The following ZNF701 variants were observed in gnomAD, a reference collection of about 807,000 sequenced individuals.
ZNF701 encodes zinc finger protein 701.
ZNF701 carries 6 observed loss-of-function variants against 7.1 expected under a neutral mutation model. That is an observed-to-expected ratio of 0.84 (90% CI 0.46 to 1.66). The LOEUF (loss-of-function observed/expected upper bound fraction) is 1.66. Ranked by LOEUF, ZNF701 falls within the 40% of genes most tolerant of loss-of-function variation. The pLI is 0.01. For synonymous variants in ZNF701, 166 were observed against 188.2 expected, an observed-to-expected ratio of 0.88 and a Z score of 0.97; for missense variants, 541 against 559.2, an observed-to-expected ratio of 0.97 and a Z score of 0.33.
chr19:52,598,863 T>C, the ZNF701 span: 7 of 152,138 alleles, frequency 4.6e-5, no homozygotes, highest in African/African-American at 1.7e-4. Flanking sequence ...TGAGCTCTGA[T>C]CTTGCCACCA....
At chr19:52,596,210 G>A in the ZNF701 span, 5 of 573,496 alleles carry the variant, frequency 8.7e-6, no homozygotes, top group Admixed American at 5.2e-5. Flanking sequence ...TAAATGTGAT[G>A]TATGTGGCAA....
At chr19:52,591,530 C>T (rs2060036840), downstream of ZNF701, among the ~76,000 whole-genome samples, 1 of 152,102 alleles carries the variant, frequency 6.6e-6, no homozygotes, top group African/African-American at 2.4e-5. Flanking sequence ...ACTCTGCAGC[C>T]CAAGCTGAGT....
chr19:52,582,288 C>T lies in ZNF701; in HGVS notation c.229C>T (p.His77Tyr), dbSNP rs1039543062. 55 of 1,613,540 alleles carry T rather than the reference C, an allele frequency of 3.4e-5. No homozygotes were observed. Among genetic ancestry groups the T allele is most frequent in the Non-Finnish European group, 4.5e-5 (53 of 1,179,770 alleles). The change falls in exon 4 of 4, where the codon CAT (histidine) becomes TAT (tyrosine). Residue 77 changes from histidine to tyrosine, a missense_variant. Coordinates refer to ENST00000391785, the MANE Select transcript of ZNF701 (RefSeq NM_018260.3). ...GGTCCACACAGGGACATTGCAAATA[C>T]ATGCAAGTCATCACATTGGAGATAC... Reference protein sequence around the residue: ...EVVHTGTLQIHASHHIGDTCF... With the variant: ...EVVHTGTLQIYASHHIGDTCF...
chr19:52,576,760 T>G (rs558694325), intron 3 of ZNF701, among the ~76,000 whole-genome samples: 1 of 152,276 alleles, frequency 6.6e-6, no homozygotes, highest in East Asian at 1.9e-4. Flanking sequence ...TACAGAAATA[T>G]AGGGCTGGGA....
At chr19:52,599,554 T>G in the ZNF701 span, among the ~76,000 whole-genome samples, 2 of 152,272 alleles carry the variant, frequency 1.3e-5, no homozygotes, top group African/African-American at 4.8e-5. Flanking sequence ...TTGAAGTGTA[T>G]CTATCCGTAA....
chr19:52,578,424 C>T (rs1001500215), intron 3 of ZNF701, among the ~76,000 whole-genome samples: 8 of 152,166 alleles, frequency 5.3e-5, no homozygotes, highest in Non-Finnish European at 1.2e-4. Flanking sequence ...ACCCTGCCCC[C>T]TTGTCTTGTA....
chr19:52,575,417 G>C (rs1039729816), intron 2 of ZNF701, among the ~76,000 whole-genome samples: 1 of 151,070 alleles, frequency 6.6e-6, no homozygotes, highest in African/African-American at 2.5e-5. Flanking sequence ...GTATTAACGT[G>C]GTTTTTTGTG....
chr19:52,596,824 C>T, the ZNF701 span: 31 of 541,826 alleles, frequency 5.7e-5, no homozygotes, highest in South Asian at 3.2e-4. Context: ...GAAAAGCACA[C>T]CTTGCATGTC....
At chr19:52,594,612 CA>C in the ZNF701 span, among the ~76,000 whole-genome samples, 1 of 151,906 alleles carries the variant, frequency 6.6e-6, no homozygotes, top group African/African-American at 2.4e-5. Flanking sequence ...CTCCCAGGTT[CA>C]AGCGATTCTC....
At chr19:52,599,561 G>A in the ZNF701 span, among the ~76,000 whole-genome samples, 2 of 152,096 alleles carry the variant, frequency 1.3e-5, no homozygotes, top group Admixed American at 6.5e-5. Flanking sequence ...GTATCTATCC[G>A]TAATCAATCA....
At chr19:52,588,558 G>C, downstream of ZNF701, 1 of 385,238 alleles carries the variant, frequency 2.6e-6, no homozygotes, top group Non-Finnish European at 5.0e-6. Flanking sequence ...CTCATGCTAT[G>C]TAAGGAAGCC....
chr19:52,580,401 A>G (rs2059967926), intron 3 of ZNF701, among the ~76,000 whole-genome samples: 1 of 151,738 alleles, frequency 6.6e-6, no homozygotes, highest in South Asian at 2.1e-4. Context: ...ATGTTTTTGT[A>G]TTTTTAGTAG....
intron 3 of ZNF701, among the ~76,000 whole-genome samples, chr19:52,578,278 A>AAC (rs2059950109): frequency 6.7e-6 from 1 of 149,428 alleles, no homozygotes; most frequent in Non-Finnish European, 1.5e-5. Flanking sequence ...AAAAAAAAAA[A>AAC]GAAGTGTATA....
Position 52,582,281 on chromosome 19 carries a change from G to T in ZNF701, c.222G>T (p.Leu74Phe), listed in dbSNP as rs2059980165. 1 of 1,613,336 alleles carries T rather than the reference G, an allele frequency of 6.2e-7. No individual in the cohort carries two copies. The highest frequency in any genetic ancestry group is 1.3e-5 in the African/African-American group (1 of 74,900). Reference protein sequence around the residue: ...GNTEVVHTGTLQIHASHHIGD... With the variant: ...GNTEVVHTGTFQIHASHHIGD... ...CAGAAGTGGTCCACACAGGGACATT[G>T]CAAATACATGCAAGTCATCACATTG... The change falls in exon 4 of 4, where the codon TTG becomes TTT. Residue 74 changes from leucine (L) to phenylalanine (F), a missense_variant. Leu to Phe is a conservative substitution (Grantham distance 22). Coordinates refer to ENST00000391785, the MANE Select transcript of ZNF701 (RefSeq NM_018260.3).
the ZNF701 span, chr19:52,597,291 C>T: frequency 4.4e-3 from 2,395 of 544,422 alleles, 43 homozygotes; most frequent in African/African-American, 0.04. Context: ...CTTGACTTCA[C>T]GTTCACACCT....
intron 2 of ZNF701, among the ~76,000 whole-genome samples, chr19:52,575,115 ACCCC>A (rs930680904): frequency 6.6e-6 from 1 of 151,690 alleles, no homozygotes; most frequent in Admixed American, 6.6e-5. Flanking sequence ...GACTACAGGC[ACCCC>A]CCACCACGCC....
At chr19:52,588,476 C>T (rs956283921), downstream of ZNF701, 1 of 205,924 alleles carries the variant, frequency 4.9e-6, no homozygotes, top group Non-Finnish European at 9.6e-6. Flanking sequence ...CAGAGCTAGA[C>T]ACCATCTCAA....
chr19:52,576,464 C>G (rs75081384), intron 3 of ZNF701, among the ~76,000 whole-genome samples: 16,694 of 151,974 alleles, frequency 0.11, 1,082 homozygotes, highest in Admixed American at 0.15. Context: ...TCGCTTGATC[C>G]CGGCAGGCCA....
chr19:52,572,215 T>C, intron 1 of ZNF701: 1 of 336,486 alleles, frequency 3.0e-6, no homozygotes, highest in Non-Finnish European at 5.7e-6. Flanking sequence ...CCACAACATC[T>C]AGATAATTTT....
Sources: gnomAD v4.1 joint callset for allele counts (sites outside exome capture counted in the v4.1 genomes callset) on GRCh38, gnomAD v4.1.1 for gene constraint, MANE v1.5 for transcripts, NCBI Gene and HGNC (gene_info 2026-07-23, HGNC 2026-07-21) for gene names.